Variants in RNF212 observed in about 807,000 individuals in gnomAD.
RNF212 encodes probable E3 SUMO-protein ligase RNF212.
Under a neutral mutation model 34.7 loss-of-function variants are expected in RNF212, and 33 were observed. The observed-to-expected ratio is 0.95, with a 90% CI of 0.72 to 1.27. The LOEUF (loss-of-function observed/expected upper bound fraction) is 1.27. RNF212 is among the 50% of genes most tolerant of loss of function. The pLI, the probability that RNF212 is intolerant of heterozygous loss-of-function variation, is 0.00. For missense variants in RNF212, 377 were observed against 362.2 expected (o/e 1.04, Z -0.33); for synonymous variants, 140 against 136.1 (o/e 1.03, Z -0.20).
downstream of RNF212, among the ~76,000 whole-genome samples, chr4:1,069,998 C>T (rs1283555502): frequency 1.3e-5 from 2 of 151,430 alleles, no homozygotes; most frequent in African/African-American, 4.9e-5. Context: ...TAGGATTGCG[C>T]TGTGTCAGCG....
intron 8 of RNF212, among the ~76,000 whole-genome samples, chr4:1,076,628 C>T (rs1352102541): frequency 6.6e-6 from 1 of 152,170 alleles, no homozygotes; most frequent in Middle Eastern, 3.2e-3. Flanking sequence ...CACTCTAGGC[C>T]ATCATGTGGG....
At chr4:1,088,409 C>G (rs1409418923) in intron 4 of RNF212, among the ~76,000 whole-genome samples, 1 of 152,160 alleles carries the variant, frequency 6.6e-6, no homozygotes, top group Non-Finnish European at 1.5e-5. Context: ...AAGATGTGAC[C>G]TGGCTTTTTC....
intron 3 of RNF212, chr4:1,094,112 A>AG (rs1402701548): frequency 4.3e-6 from 6 of 1,386,134 alleles, no homozygotes; most frequent in Non-Finnish European, 5.7e-6. Flanking sequence ...CAAGCCCATG[A>AG]AGGAGAGTGC....
chr4:1,058,330 T>C lies in RNF212; in HGVS notation n.211A>G, dbSNP rs770938466. 14 of 965,492 alleles carry C rather than the reference T, an allele frequency of 1.5e-5. 1 individual carries two copies. Among genetic ancestry groups the C allele is most frequent in the Non-Finnish European group, 1.7e-5 (14 of 821,156 alleles). The allele number at this position is 965,492 out of a possible 1,614,324, so 59.8% of individuals were successfully genotyped here. ...TGCGGGGGGGCACTACCTGAGAGGCTTTCCCATGCTCCTCTGACTCGTTGT... is the reference window on the plus strand; with the variant it reads ...TGCGGGGGGGCACTACCTGAGAGGCCTTCCCATGCTCCTCTGACTCGTTGT... On this transcript the variant is annotated non_coding_transcript_exon_variant, in exon 4 of 5. Coordinates refer to the RNF212 transcript ENST00000503206.
chr4:1,064,432 G>A (rs1717955202), intron 3 of RNF212, among the ~76,000 whole-genome samples: 1 of 152,152 alleles, frequency 6.6e-6, no homozygotes, highest in Non-Finnish European at 1.5e-5. Flanking sequence ...GTCTGCTTGG[G>A]CTTCTGTAAT....
intron 3 of RNF212, among the ~76,000 whole-genome samples, chr4:1,061,988 A>G (rs1717782241): frequency 6.6e-6 from 1 of 152,136 alleles, no homozygotes; most frequent in Admixed American, 6.5e-5. Context: ...TTTCCTAAGG[A>G]CTCCAGAGCG....
In RNF212 at chr4:1,081,169, G is replaced by C. The variant is rs151080487; in HGVS notation, c.464+250C>G. Among the ~76,000 whole-genome samples the C allele has an allele frequency of 6.8e-3, 1,030 of 152,374 alleles. 7 individuals are homozygous for C. The highest frequency in any genetic ancestry group is 0.011 in the Non-Finnish European group (763 of 68,044). On this transcript the variant is annotated intron_variant, in intron 7 of 9. Transcript: ENST00000433731. Reference sequence around the variant, plus strand: ...GGGCACGCAGAACACTGGGTCACATGATCATTCCCAAACCAATCACTGTCG... The same window carrying C: ...GGGCACGCAGAACACTGGGTCACATCATCATTCCCAAACCAATCACTGTCG...
intron 5 of RNF212, among the ~76,000 whole-genome samples, chr4:1,082,687 C>T (rs1170131657): frequency 6.6e-6 from 1 of 152,236 alleles, no homozygotes; most frequent in Non-Finnish European, 1.5e-5. Context: ...CTTTCTGCCT[C>T]CTCTTCCCCA....
At chr4:1,110,960 C>T (rs1218449051) in intron 1 of RNF212, among the ~76,000 whole-genome samples, 1 of 152,232 alleles carries the variant, frequency 6.6e-6, no homozygotes, top group African/African-American at 2.4e-5. Flanking sequence ...AGGCCCTTAA[C>T]CAGTCACCTG....
chr4:1,093,822 T>C, intron 3 of RNF212: 3 of 1,536,240 alleles, frequency 2.0e-6, no homozygotes, highest in Non-Finnish European at 2.6e-6. Flanking sequence ...TCCTGGATGG[T>C]GTTTCCCTGG....
At chr4:1,073,804 CTTGA>C in intron 8 of RNF212, 142 bp from the exon 9 acceptor site, 1 of 665,194 alleles carries the variant, frequency 1.5e-6, no homozygotes, top group South Asian at 1.7e-5. Flanking sequence ...TCCTGTCTAA[CTTGA>C]TTCTGTGTTC....
intron 3 of RNF212, among the ~76,000 whole-genome samples, chr4:1,092,575 G>A (rs1002179961): frequency 5.9e-5 from 9 of 152,202 alleles, no homozygotes; most frequent in African/African-American, 2.2e-4. Flanking sequence ...TCAGAAGAGG[G>A]TAGATTTTAA....
At chr4:1,110,419 T>C (rs1355024757) in intron 1 of RNF212, among the ~76,000 whole-genome samples, 1 of 152,066 alleles carries the variant, frequency 6.6e-6, no homozygotes. Flanking sequence ...TTGGGTCAGT[T>C]TTCATGTGCA....
chr4:1,069,151 C>T (rs1718278781), downstream of RNF212, among the ~76,000 whole-genome samples: 2 of 151,198 alleles, frequency 1.3e-5, no homozygotes, highest in Non-Finnish European at 2.9e-5. Flanking sequence ...GCAGAGGTTG[C>T]AGTCAGCCGA....
chr4:1,110,531 T>G (rs375273481), intron 1 of RNF212, among the ~76,000 whole-genome samples: 1 of 152,200 alleles, frequency 6.6e-6, no homozygotes, highest in Non-Finnish European at 1.5e-5. Flanking sequence ...GAAACTATGT[T>G]ATGGTATGAT....
Position 1,102,594 on chromosome 4 carries a change from C to A in RNF212, c.171+5749G>T, listed in dbSNP as rs1176710388. On this transcript the variant is annotated intron_variant, in intron 2 of 9. Transcript: ENST00000433731. Reference sequence around the variant, plus strand: ...AATACAAAAAAAAAACACAAAAAAACAAAAAAAAAACACTTTGGGAGGCTG... The same window carrying A: ...AATACAAAAAAAAAACACAAAAAAAAAAAAAAAAAACACTTTGGGAGGCTG... 2.7e-5 allele frequency among the ~76,000 whole-genome samples: 4 copies of A among 150,588 alleles called. No individual in the cohort carries two copies. The East Asian group carries it at 5.8e-4, about 22-fold the overall frequency.
At chr4:1,105,655 A>C (rs1724700386) in intron 2 of RNF212, among the ~76,000 whole-genome samples, 1 of 152,274 alleles carries the variant, frequency 6.6e-6, no homozygotes, top group African/African-American at 2.4e-5. Context: ...AGCGAGGATA[A>C]GAACTGCTCT....
At chr4:1,057,269 C>T (rs1029475972) in intron 4 of RNF212, among the ~76,000 whole-genome samples, 1 of 152,180 alleles carries the variant, frequency 6.6e-6, no homozygotes, top group African/African-American at 2.4e-5. Context: ...GGCCTGCAGG[C>T]AGCCAGGGGT....
intron 3 of RNF212, chr4:1,093,398 A>T: frequency 7.2e-7 from 1 of 1,395,528 alleles, no homozygotes; most frequent in South Asian, 1.6e-5. Context: ...TATTTATGTT[A>T]CGTTGATATT....
Sources: gnomAD v4.1 joint callset for allele counts (sites outside exome capture counted in the v4.1 genomes callset) on GRCh38, gnomAD v4.1.1 for gene constraint, MANE v1.5 for transcripts, NCBI Gene and HGNC (gene_info 2026-07-23, HGNC 2026-07-21) for gene names.